The following HPF1 variants were observed in gnomAD, a reference collection of about 807,000 sequenced individuals.
The protein encoded by HPF1 is histone PARylation factor 1, also known as UPF0609 protein C4orf27.
A neutral mutation model predicts 38.8 loss-of-function variants in HPF1; 35 were observed. That is an observed-to-expected ratio of 0.90 (90% CI 0.69 to 1.19). HPF1 has a LOEUF of 1.19. HPF1 is among the 50% of genes most tolerant of loss of function. The probability of loss-of-function intolerance (pLI) is 0.00; values close to 1 mark genes in which losing one functional copy is unlikely to be tolerated. For missense variants in HPF1, 367 were observed against 405.8 expected, an observed-to-expected ratio of 0.90 and a Z score of 0.82; for synonymous variants, 115 against 139.2, an observed-to-expected ratio of 0.83 and a Z score of 1.22.
chr4:169,738,909 T>C (rs555423281), intron 5 of HPF1, among the ~76,000 whole-genome samples: 144 of 151,616 alleles, frequency 9.5e-4, no homozygotes, highest in Non-Finnish European at 9.6e-4. Flanking sequence ...AAACACTACA[T>C]GTTCTCACTC....
Position 169,731,777 on chromosome 4 carries a change from T to G in HPF1, c.836A>C (p.Gln279Pro). The change falls in exon 7 of 8, where the codon CAG becomes CCG. Residue 279 changes from glutamine to proline, a missense_variant. Coordinates refer to ENST00000393381, the MANE Select transcript of HPF1 (RefSeq NM_017867.3). ...APIQEMMTFV[Q>P]FANDECDYGM... The stretch of plus-strand genomic sequence containing the variant: ...ATAATCACATTCATCATTAGCAAAC[T>G]GCACAAAAGTCATCATTTCCTGAAT... 1 of 1,602,994 alleles carries G rather than the reference T, an allele frequency of 6.2e-7. No individual in the cohort carries two copies. The highest frequency in any genetic ancestry group is 8.5e-7 in the Non-Finnish European group (1 of 1,176,828).
chr4:169,752,205 C>G (rs569051412), intron 2 of HPF1, among the ~76,000 whole-genome samples: 23 of 124,970 alleles, frequency 1.8e-4, no homozygotes, highest in African/African-American at 6.8e-4. Flanking sequence ...GAGTCTCGCT[C>G]TGTCACCCAG....
At chr4:169,745,709 T>C (rs1391636293) in intron 4 of HPF1, among the ~76,000 whole-genome samples, 2 of 152,178 alleles carry the variant, frequency 1.3e-5, no homozygotes, top group Non-Finnish European at 2.9e-5. Flanking sequence ...TGCTATGTCG[T>C]TTAGGATGAA....
intron 4 of HPF1, among the ~76,000 whole-genome samples, chr4:169,747,054 G>C (rs1393881956): frequency 6.8e-6 from 1 of 146,266 alleles, no homozygotes; most frequent in African/African-American, 2.5e-5. Context: ...TTTCGAAAAA[G>C]AGACAGTCTC....
chr4:169,749,734 A>AC (rs1477528975), intron 3 of HPF1, among the ~76,000 whole-genome samples: 2 of 151,262 alleles, frequency 1.3e-5, no homozygotes. Context: ...AAAAAAAAAA[A>AC]AGGAAAAACA....
At chr4:169,746,750 T>C (rs1422025221) in intron 4 of HPF1, among the ~76,000 whole-genome samples, 12 of 152,104 alleles carry the variant, frequency 7.9e-5, no homozygotes, top group Non-Finnish European at 1.2e-4. Context: ...AAAACCGTTA[T>C]AATACTTTAA....
At chr4:169,744,076 T>C (rs1466180049) in intron 4 of HPF1, among the ~76,000 whole-genome samples, 1 of 152,180 alleles carries the variant, frequency 6.6e-6, no homozygotes, top group Non-Finnish European at 1.5e-5. Context: ...CTAGAGGGTA[T>C]TTTTATATCA....
At chr4:169,741,333 A>T (rs928029522) in intron 5 of HPF1, among the ~76,000 whole-genome samples, 4 of 150,096 alleles carry the variant, frequency 2.7e-5, no homozygotes, top group East Asian at 3.9e-4. Context: ...CCAGTGACAA[A>T]TTTTTTTTTT....
At chr4:169,751,509 C>G (rs184486230) in intron 2 of HPF1, among the ~76,000 whole-genome samples, 287 of 152,212 alleles carry the variant, frequency 1.9e-3, no homozygotes, top group Middle Eastern at 3.4e-3. Context: ...TTGGCCAACC[C>G]TAACCCTGGA....
intron 6 of HPF1, among the ~76,000 whole-genome samples, chr4:169,735,552 G>A (rs946716553): frequency 2.0e-5 from 3 of 152,110 alleles, no homozygotes; most frequent in African/African-American, 7.2e-5. Flanking sequence ...AGTAGACTTG[G>A]ATATAAAACC....
chr4:169,744,447 T>C (rs534022081), intron 4 of HPF1, among the ~76,000 whole-genome samples: 8 of 152,346 alleles, frequency 5.3e-5, no homozygotes, highest in East Asian at 1.9e-4. Context: ...TAAGGTGCGA[T>C]GTGCAACTGA....
intron 5 of HPF1, among the ~76,000 whole-genome samples, chr4:169,739,764 G>C (rs963586409): frequency 5.3e-5 from 8 of 152,168 alleles, no homozygotes; most frequent in African/African-American, 1.7e-4. Flanking sequence ...ACAGTATTCT[G>C]CAGCCGCTCA....
At chr4:169,747,978 G>A (rs1734070024) in intron 4 of HPF1, among the ~76,000 whole-genome samples, 1 of 152,210 alleles carries the variant, frequency 6.6e-6, no homozygotes, top group African/African-American at 2.4e-5. Flanking sequence ...GCCACTCACT[G>A]TGGCAGCAGT....
intron 5 of HPF1, among the ~76,000 whole-genome samples, chr4:169,738,205 C>T (rs557710409): frequency 3.3e-5 from 5 of 152,210 alleles, no homozygotes; most frequent in Middle Eastern, 3.4e-3. Context: ...TTGAGACTCC[C>T]CTATTTTTAC....
intron 2 of HPF1, 137 bp from the exon 3 acceptor site, chr4:169,750,862 T>C (rs1734110862): frequency 1.7e-6 from 1 of 591,072 alleles, no homozygotes; most frequent in Admixed American, 3.2e-5. Context: ...TGTGAAGATG[T>C]CAGTTATAAA....
intron 6 of HPF1, chr4:169,732,144 T>A: frequency 3.5e-6 from 1 of 284,056 alleles, no homozygotes; most frequent in African/African-American, 2.3e-5. Flanking sequence ...ACGATTTTTT[T>A]TTTTTTTTTT....
Position 169,757,825 on chromosome 4 carries a change from A to C in HPF1, c.48+5T>G. ...GCGTAGCCCGCACAGCCTTTCCGGC[A>C]GTACCTGCGGCCCCTCTCCGCCGGG... On this transcript the variant is annotated splice_donor_5th_base_variant and intron_variant, in intron 1 of 7. Transcript: ENST00000393381. 1 of 1,563,036 alleles carries C rather than the reference A, an allele frequency of 6.4e-7. No individual in the cohort carries two copies. Among genetic ancestry groups the C allele is most frequent in the Non-Finnish European group, 8.6e-7 (1 of 1,161,254 alleles).
intron 7 of HPF1, 34 bp downstream of exon 7, chr4:169,731,670 C>T: frequency 6.8e-7 from 1 of 1,471,034 alleles, no homozygotes; most frequent in African/African-American, 1.5e-5. Flanking sequence ...GGAGGTGTGG[C>T]AGTGGGTAGA....
chr4:169,738,687 G>GA (rs775763049), intron 5 of HPF1, among the ~76,000 whole-genome samples: 15 of 151,988 alleles, frequency 9.9e-5, no homozygotes, highest in Non-Finnish European at 1.3e-4. Flanking sequence ...TACCACTTGG[G>GA]AAAAAAATGA....
Sources: allele counts gnomAD v4.1 joint callset (sites outside exome capture counted in the v4.1 genomes callset), GRCh38; gene constraint gnomAD v4.1.1; transcripts MANE v1.5; gene names NCBI Gene and HGNC (gene_info 2026-07-23, HGNC 2026-07-21).